Variants in ALDH6A1 observed in about 807,000 individuals in gnomAD.
The protein encoded by ALDH6A1 is aldehyde dehydrogenase 6 family member A1.
In ALDH6A1, 43 loss-of-function variants were observed where a neutral mutation model predicts 62.6. The observed-to-expected ratio is 0.69, with a 90% confidence interval of 0.54 to 0.89. ALDH6A1 has a LOEUF of 0.89. Among genes scored for constraint, ALDH6A1 ranks in the 40% least tolerant of loss-of-function variants. The pLI is 0.00. For missense variants in ALDH6A1, 551 were observed against 661.3 expected (o/e 0.83, Z 1.83); for synonymous variants, 194 against 234.2 (o/e 0.83, Z 1.57).
chr14:74,059,478 C>T lies in ALDH6A1; in HGVS notation c.*1164G>A, dbSNP rs551883827. The T allele has an allele frequency of 8.0e-5, 35 of 438,944 alleles. No individual in the cohort carries two copies. The highest frequency in any genetic ancestry group is 4.9e-4 in the South Asian group (30 of 61,724). The allele number at this position is 438,944 out of a possible 1,614,324, so 27.2% of individuals were successfully genotyped here. ...TGGGAGGCCGAGGCAGGCGGATCACCTGAGGTCAGGAGTTCGAGACCAGCC... is the reference window on the plus strand; with the variant it reads ...TGGGAGGCCGAGGCAGGCGGATCACTTGAGGTCAGGAGTTCGAGACCAGCC... On this transcript the variant is annotated 3_prime_UTR_variant, in exon 12 of 12. Coordinates refer to ENST00000553458, the MANE Select transcript of ALDH6A1 (RefSeq NM_005589.4).
chr14:74,069,106 T>C (rs1039169758), intron 6 of ALDH6A1, 125 bp from the exon 7 acceptor site: 214 of 1,015,770 alleles, frequency 2.1e-4, no homozygotes, highest in Middle Eastern at 7.1e-4. Context: ...TTTTTCTTTT[T>C]TTTTTTTTTT....
chr14:74,074,593 G>T (rs1297798649), intron 2 of ALDH6A1, among the ~76,000 whole-genome samples: 1 of 152,092 alleles, frequency 6.6e-6, no homozygotes, highest in Non-Finnish European at 1.5e-5. Context: ...ACCAAAAAAT[G>T]GTGACCTACT....
chr14:74,074,892 G>C (rs2139802245), intron 2 of ALDH6A1, 63 bp downstream of exon 2: 2 of 1,518,116 alleles, frequency 1.3e-6, no homozygotes, highest in South Asian at 1.1e-5. Context: ...AAAGAAGATA[G>C]AGATACCCAA....
intron 11 of ALDH6A1, among the ~76,000 whole-genome samples, chr14:74,063,750 C>T (rs546853069): frequency 1.3e-5 from 2 of 151,138 alleles, no homozygotes; most frequent in African/African-American, 4.9e-5. Flanking sequence ...TCTGTAATCC[C>T]AGCTACTTGG....
intron 1 of ALDH6A1, among the ~76,000 whole-genome samples, chr14:74,078,619 C>T (rs769486016): frequency 2.0e-4 from 31 of 152,336 alleles, no homozygotes; most frequent in Non-Finnish European, 4.0e-4. Flanking sequence ...CCTCCACCTC[C>T]CGGGTTCAAG....
intron 1 of ALDH6A1, among the ~76,000 whole-genome samples, chr14:74,083,191 A>G (rs1488096499): frequency 6.6e-6 from 1 of 152,200 alleles, no homozygotes; most frequent in Non-Finnish European, 1.5e-5. Context: ...AAACTGCCCA[A>G]GTTTCTTTAC....
At chr14:74,066,597 G>T (rs1595117752) in intron 9 of ALDH6A1, 108 bp downstream of exon 9, 1 of 1,144,470 alleles carries the variant, frequency 8.7e-7, no homozygotes, top group Non-Finnish European at 1.3e-6. Context: ...CCTGGCAAGA[G>T]ATAAGGTCTT....
rs1314543982 is a variant in ALDH6A1, at chr14:74,074,647, A to G, written c.111+308T>C. ...ACTTCTGTGTAGAAAGAATTTGAGC[A>G]ATAGTCCTTATTTATTAGATTTTAG... On this transcript the variant is annotated intron_variant, in intron 2 of 11. Transcript: ENST00000553458. Among the ~76,000 whole-genome samples the G allele has an allele frequency of 2.6e-5, 4 of 152,246 alleles. No individual in the cohort carries two copies. The East Asian group carries it at 7.7e-4, about 29-fold the overall frequency.
Position 74,057,559 on chromosome 14 carries a change from C to T in ALDH6A1, c.*3083G>A, listed in dbSNP as rs1192882832. The T allele has an allele frequency of 7.5e-7, 1 of 1,329,458 alleles. No individual in the cohort carries two copies. The highest frequency in any genetic ancestry group is 1.5e-5 in the African/African-American group (1 of 67,034). The allele number at this position is 1,329,458 out of a possible 1,614,324, so 82.4% of individuals were successfully genotyped here. On this transcript the variant is annotated 3_prime_UTR_variant, in exon 12 of 12. Coordinates refer to ENST00000553458, the MANE Select transcript of ALDH6A1 (RefSeq NM_005589.4). ...TTTTACGTAAGAGTAAACATAGTGA[C>T]CTTGTGACTCTTAGCTTTCCATCAC... is the stretch of plus-strand genomic sequence containing the variant.
chr14:74,064,943 C>T (rs890167626), intron 10 of ALDH6A1, 23 bp from the exon 11 acceptor site: 7 of 1,601,506 alleles, frequency 4.4e-6, no homozygotes, highest in Non-Finnish European at 6.0e-6. Flanking sequence ...AAATCCGTGT[C>T]ATATCCTAAG....
chr14:74,065,651 C>T (rs1036849928), intron 9 of ALDH6A1: 2 of 356,604 alleles, frequency 5.6e-6, no homozygotes, highest in African/African-American at 2.1e-5. Context: ...CTTTTTAATA[C>T]CTGAACGACT....
At chr14:74,061,569 G>A (rs1170880962) in intron 11 of ALDH6A1, among the ~76,000 whole-genome samples, 14 of 147,670 alleles carry the variant, frequency 9.5e-5, no homozygotes, top group South Asian at 2.1e-4. Flanking sequence ...CAGGTGATCC[G>A]CCAGTCTTGG....
intron 1 of ALDH6A1, among the ~76,000 whole-genome samples, chr14:74,083,951 G>T (rs2139828170): frequency 6.6e-6 from 1 of 152,262 alleles, no homozygotes; most frequent in African/African-American, 2.4e-5. Context: ...TCACGGCAGG[G>T]GACAGAGTAA....
intron 2 of ALDH6A1, 72 bp downstream of exon 2, chr14:74,074,883 A>C: frequency 6.8e-7 from 1 of 1,461,878 alleles, no homozygotes; most frequent in South Asian, 1.1e-5. Flanking sequence ...CAATTATGTA[A>C]AGAAGATAGA....
chr14:74,064,760 T>C, intron 11 of ALDH6A1, 62 bp downstream of exon 11: 1 of 1,611,394 alleles, frequency 6.2e-7, no homozygotes, highest in South Asian at 1.1e-5. Flanking sequence ...GAATCCTTGC[T>C]CCTGAATATC....
rs577256320 is a variant in ALDH6A1 at position 74,076,050 on chromosome 14, C to G, written c.49-1033G>C. 3.3e-5 allele frequency among the ~76,000 whole-genome samples: 5 copies of G among 152,132 alleles called. 1 individual carries two copies. Among genetic ancestry groups the G allele is most frequent in the African/African-American group, 1.2e-4 (5 of 41,422 alleles). ...AAATCTGTAATATCAGAAAGCAGAA[C>G]AGTGGTTACCTAGGGATGACGAGGG... On this transcript the variant is annotated intron_variant, in intron 1 of 11. Transcript: ENST00000553458.
intron 6 of ALDH6A1, among the ~76,000 whole-genome samples, chr14:74,070,091 T>C (rs1239739969): frequency 1.3e-5 from 2 of 152,026 alleles, no homozygotes; most frequent in East Asian, 3.9e-4. Flanking sequence ...TCCGCCTGCC[T>C]TCACCTCCCA....
At chr14:74,076,722 G>A (rs2060617446) in intron 1 of ALDH6A1, among the ~76,000 whole-genome samples, 1 of 151,628 alleles carries the variant, frequency 6.6e-6, no homozygotes, top group South Asian at 2.1e-4. Context: ...TATTTTTTTT[G>A]TATTTTTAGT....
chr14:74,068,507 G>A (rs1017685193), intron 7 of ALDH6A1, among the ~76,000 whole-genome samples: 1 of 152,146 alleles, frequency 6.6e-6, no homozygotes, highest in African/African-American at 2.4e-5. Flanking sequence ...TTGGGAGGCC[G>A]AGGCGGGCAG....
Sources: allele counts gnomAD v4.1 joint callset (sites outside exome capture counted in the v4.1 genomes callset), GRCh38; gene constraint gnomAD v4.1.1; transcripts MANE v1.5; gene names NCBI Gene and HGNC (gene_info 2026-07-23, HGNC 2026-07-21).